The following NAV2 variants were observed in gnomAD, a reference collection of about 807,000 sequenced individuals.
NAV2 encodes the protein helicase, APC down-regulated 1.
NAV2 carries 54 observed loss-of-function variants against 223.2 expected under a neutral mutation model. That is an observed-to-expected ratio of 0.24 (90% CI 0.19 to 0.30). The LOEUF (loss-of-function observed/expected upper bound fraction) is 0.30, where lower values mean the gene tolerates loss of function less well. NAV2 is among the 10% of genes least tolerant of loss of function. NAV2 has a pLI of 1.00. For missense variants in NAV2, 2,806 were observed against 3,147.5 expected (o/e 0.89, Z 2.60); for synonymous variants, 1,279 against 1,239.3 (o/e 1.03, Z -0.67).
intron 1 of NAV2, among the ~76,000 whole-genome samples, chr11:19,690,058 C>T (rs1029495237): frequency 5.9e-5 from 9 of 152,288 alleles, no homozygotes; most frequent in African/African-American, 1.9e-4. Flanking sequence ...GCAACCTCCG[C>T]CTCCCGGGTT....
intron 20 of NAV2, among the ~76,000 whole-genome samples, chr11:20,066,240 A>T (rs2059035039): frequency 6.6e-6 from 1 of 152,216 alleles, no homozygotes; most frequent in Admixed American, 6.5e-5. Context: ...TAGGTTCTTA[A>T]AAATAGTGCC....
chr11:19,763,800 G>GT (rs36000037), intron 1 of NAV2, among the ~76,000 whole-genome samples: 5,396 of 87,486 alleles, frequency 0.062, 126 homozygotes, highest in Non-Finnish European at 0.091. Context: ...TGTTTTTTTT[G>GT]TTTTTTTTTT....
In NAV2 at chr11:19,868,845, T is replaced by C; in HGVS notation, c.439-80T>C. ...ATCGGCCGTTTTTACAGCATTCTGT[T>C]TTCCCATTGTTCCTCATAAGAGATG... On this transcript the variant is annotated intron_variant, in intron 3 of 37. Coordinates refer to ENST00000349880, the MANE Select transcript of NAV2 (RefSeq NM_145117.5). The C allele has an allele frequency of 2.8e-6, 4 of 1,422,040 alleles. No individual in the cohort carries two copies. In the South Asian group the frequency reaches 3.6e-5, roughly 13 times the overall value. 88.1% of individuals were successfully genotyped at this position (1,422,040 alleles called of 1,614,324 possible). A position where few individuals can be genotyped will look rare whatever the true frequency, so the allele number is the denominator to read the frequency against.
At chr11:20,049,556 G>A (rs2057772714) in intron 15 of NAV2, among the ~76,000 whole-genome samples, 1 of 151,904 alleles carries the variant, frequency 6.6e-6, no homozygotes, top group South Asian at 2.1e-4. Flanking sequence ...GTGACTGGGT[G>A]CAGACATGGA....
chr11:20,095,297 A>G (rs35764583), intron 29 of NAV2, among the ~76,000 whole-genome samples: 14,150 of 152,270 alleles, frequency 0.093, 852 homozygotes, highest in African/African-American at 0.17. Context: ...GGGGTTAATC[A>G]CTGAAGGCTT....
intron 1 of NAV2, among the ~76,000 whole-genome samples, chr11:19,492,880 C>T (rs936511492): frequency 3.3e-5 from 5 of 152,120 alleles, no homozygotes; most frequent in African/African-American, 1.2e-4. Flanking sequence ...AGATGTGACA[C>T]GGTACATCCT....
intron 1 of NAV2, among the ~76,000 whole-genome samples, chr11:19,411,327 AAGTACAC>A (rs1281239936): frequency 6.6e-6 from 1 of 152,136 alleles, no homozygotes; most frequent in Non-Finnish European, 1.5e-5. Context: ...ATGATCTTCT[AAGTACAC>A]AGACTATGTT....
At chr11:19,692,674 A>G (rs1035932466) in intron 1 of NAV2, among the ~76,000 whole-genome samples, 7 of 152,322 alleles carry the variant, frequency 4.6e-5, no homozygotes, top group African/African-American at 1.7e-4. Context: ...GGCATTTTGC[A>G]TATTGATCAT....
chr11:19,584,011 CTT>C (rs1395533789), intron 1 of NAV2, among the ~76,000 whole-genome samples: 2 of 151,840 alleles, frequency 1.3e-5, no homozygotes, highest in Non-Finnish European at 2.9e-5. Flanking sequence ...TGGTCCTGGA[CTT>C]TTTTTTGGTT....
At chr11:20,100,546 GGTGTGTGTGTGT>G (rs59857072) in intron 31 of NAV2, among the ~76,000 whole-genome samples, 24,812 of 141,776 alleles carry the variant, frequency 0.18, 2,353 homozygotes, top group South Asian at 0.37. Context: ...ATACTAGAGG[GGTGTGTGTGTGT>G]GTGTGTGTGT....
chr11:19,467,279 A>G (rs1370763108), intron 1 of NAV2, among the ~76,000 whole-genome samples: 2 of 152,220 alleles, frequency 1.3e-5, no homozygotes, highest in African/African-American at 4.8e-5. Context: ...CTGTGAGTAT[A>G]CCGTAATTTA....
intron 1 of NAV2, among the ~76,000 whole-genome samples, chr11:19,610,044 GGACT>G (rs2046593759): frequency 6.6e-6 from 1 of 152,156 alleles, no homozygotes. Flanking sequence ...CCCAAAACCA[GGACT>G]GATAGGTGCT....
intron 1 of NAV2, among the ~76,000 whole-genome samples, chr11:19,605,061 T>C (rs1033928168): frequency 1.1e-4 from 16 of 152,172 alleles, no homozygotes. Flanking sequence ...ACTAATACAT[T>C]GGTTAACTTA....
chr11:19,959,209 G>T (rs895794292), intron 10 of NAV2, among the ~76,000 whole-genome samples: 1 of 152,164 alleles, frequency 6.6e-6, no homozygotes, highest in South Asian at 2.1e-4. Flanking sequence ...ACCAAGGTGG[G>T]TTGAATGTTT....
chr11:19,486,426 A>G (rs1467294050), intron 1 of NAV2, among the ~76,000 whole-genome samples: 1 of 152,120 alleles, frequency 6.6e-6, no homozygotes, highest in African/African-American at 2.4e-5. Flanking sequence ...ATTGAACTGT[A>G]GTTTCCATAA....
intron 1 of NAV2, among the ~76,000 whole-genome samples, chr11:19,439,517 C>T (rs1002885519): frequency 1.3e-5 from 2 of 152,018 alleles, no homozygotes; most frequent in Non-Finnish European, 2.9e-5. Context: ...CACATGTACC[C>T]CTGAATTTAA....
At chr11:20,086,822 G>A (rs2060475574) in intron 26 of NAV2, among the ~76,000 whole-genome samples, 1 of 152,192 alleles carries the variant, frequency 6.6e-6, no homozygotes, top group South Asian at 2.1e-4. Flanking sequence ...CCTGGGATGA[G>A]TGGGAGACAC....
intron 1 of NAV2, among the ~76,000 whole-genome samples, chr11:19,397,422 C>CGT (rs1479068924): frequency 4.1e-4 from 17 of 41,794 alleles, no homozygotes; most frequent in South Asian, 1.0e-3. Context: ...TGTGTGTGCG[C>CGT]GCATGTGTGT....
intron 14 of NAV2, 80 bp downstream of exon 14, chr11:20,045,750 G>A: frequency 8.3e-7 from 1 of 1,209,926 alleles, no homozygotes; most frequent in Non-Finnish European, 1.2e-6. Flanking sequence ...CTTAGTTGAA[G>A]CACCCTCTGT....
Sources: gnomAD v4.1 joint callset for allele counts (sites outside exome capture counted in the v4.1 genomes callset) on GRCh38, gnomAD v4.1.1 for gene constraint, MANE v1.5 for transcripts, NCBI Gene and HGNC (gene_info 2026-07-23, HGNC 2026-07-21) for gene names.